The following PRKCH variants were observed in gnomAD, a reference collection of about 807,000 sequenced individuals.
The protein encoded by PRKCH is protein kinase C eta.
PRKCH carries 28 observed loss-of-function variants against 82.5 expected under a neutral mutation model. The observed-to-expected ratio is 0.34, with a 90% CI of 0.25 to 0.47. The LOEUF (loss-of-function observed/expected upper bound fraction) is 0.47, where lower values mean the gene tolerates loss of function less well. PRKCH is among the 20% of genes least tolerant of loss of function. The probability of loss-of-function intolerance (pLI) is 1.00; values close to 1 mark genes in which losing one functional copy is unlikely to be tolerated. For missense variants in PRKCH, 705 were observed against 881.8 expected (o/e 0.80, Z 2.54); for synonymous variants, 322 against 327.4 (o/e 0.98, Z 0.18).
At chr14:61,252,335 TTC>T (rs1297589853) in intron 1 of PRKCH, among the ~76,000 whole-genome samples, 1 of 152,190 alleles carries the variant, frequency 6.6e-6, no homozygotes, top group Non-Finnish European at 1.5e-5. Context: ...GACCGTGACT[TTC>T]TCCAGCACAC....
At chr14:61,494,909 T>C (rs149941990) in intron 10 of PRKCH, among the ~76,000 whole-genome samples, 61 of 152,358 alleles carry the variant, frequency 4.0e-4, no homozygotes, top group African/African-American at 1.3e-3. Context: ...GTGATTGATA[T>C]ACTTACCATG....
rs777131452 is a variant in PRKCH, at chr14:61,322,203, C to T, written c.102C>T (p.Phe34=). Reference sequence around the variant, plus strand: ...GCTGGTCCCTGCGCCACTCGCTCTTCAAGAAGGGCCACCAGCTGCTGGACC... The same window carrying T: ...GCTGGTCCCTGCGCCACTCGCTCTTTAAGAAGGGCCACCAGCTGCTGGACC... ...PTRWSLRHSL[F]KKGHQLLDPY... Residue 34 remains phenylalanine, a synonymous_variant, in exon 1 of 14, where the codon TTC becomes TTT. Transcript: ENST00000332981. 1 of 1,613,072 alleles carries T rather than the reference C, an allele frequency of 6.2e-7. No homozygotes were observed. Among genetic ancestry groups the T allele is most frequent in the East Asian group, 2.2e-5 (1 of 44,726 alleles).
At chr14:61,509,614 G>A (rs1056819397) in intron 10 of PRKCH, among the ~76,000 whole-genome samples, 6 of 152,176 alleles carry the variant, frequency 3.9e-5, no homozygotes, top group African/African-American at 1.4e-4. Flanking sequence ...GCTGGGTGTG[G>A]TGGCTCACGC....
chr14:61,504,698 C>T (rs540330012), intron 10 of PRKCH, among the ~76,000 whole-genome samples: 1 of 152,242 alleles, frequency 6.6e-6, no homozygotes, highest in East Asian at 1.9e-4. Flanking sequence ...AATTTAGTAA[C>T]TAAAGCATTA....
chr14:61,226,645 A>G (rs1330085554), intron 1 of PRKCH, among the ~76,000 whole-genome samples: 1 of 152,252 alleles, frequency 6.6e-6, no homozygotes, highest in East Asian at 1.9e-4. Flanking sequence ...TGGTTTCCAC[A>G]AAGCATTGTA....
chr14:61,516,858 G>A (rs1337593046), intron 10 of PRKCH, among the ~76,000 whole-genome samples: 1 of 152,110 alleles, frequency 6.6e-6, no homozygotes, highest in Admixed American at 6.5e-5. Flanking sequence ...GAGAAACAAA[G>A]CCTTTTATGC....
chr14:61,409,337 TC>T (rs1211981666), intron 2 of PRKCH, among the ~76,000 whole-genome samples: 6 of 152,108 alleles, frequency 3.9e-5, no homozygotes, highest in African/African-American at 1.4e-4. Flanking sequence ...TTGAAACTCA[TC>T]CCCTACTCTG....
At chr14:61,531,874 GAA>G (rs1441747686) in intron 12 of PRKCH, among the ~76,000 whole-genome samples, 1 of 151,410 alleles carries the variant, frequency 6.6e-6, no homozygotes, top group African/African-American at 2.4e-5. Flanking sequence ...TAATTTTATG[GAA>G]AAAAAAAGTC....
Position 61,210,111 on chromosome 14 carries a change from AATATATATATATATATATATATAT to A in PRKCH, c.-19+22471_-19+22494del, listed in dbSNP as rs60055073. Among the ~76,000 whole-genome samples, 787 of 87,408 alleles carry A rather than the reference AATATATATATATATATATATATAT, an allele frequency of 9.0e-3. 9 individuals are homozygous for A. The highest frequency in any genetic ancestry group is 0.049 in the Middle Eastern group (7 of 142). The allele number at this position is 87,408 out of a possible 152,430, so 57.3% of individuals were successfully genotyped here. ...AAAAAACAAAACAAACAAACAAACA[AATATATATATATATATATATATAT>A]ATATATATATATATATATATATATA... On this transcript the variant is annotated intron_variant, in intron 1 of 3. Transcript: ENST00000555185.
At chr14:61,383,225 T>G (rs1374079652) in intron 1 of PRKCH, among the ~76,000 whole-genome samples, 1 of 152,218 alleles carries the variant, frequency 6.6e-6, no homozygotes, top group African/African-American at 2.4e-5. Flanking sequence ...AAGTGCTATC[T>G]TGTAGGACTA....
rs1210805165 is a variant in PRKCH at position 61,443,257 on chromosome 14, A to T, written c.574A>T (p.Ile192Phe). Residue 192 changes from isoleucine (I) to phenylalanine (F), a missense_variant, in exon 3 of 14, where the codon ATC (isoleucine) becomes TTC (phenylalanine). This residue lies in a region of PRKCH where 246 missense variants were observed against 308.0 expected (regional missense o/e 0.80). Coordinates refer to ENST00000332981, the MANE Select transcript of PRKCH (RefSeq NM_006255.5). The part of the protein sequence containing the change: ...PTYCSHCREF[I>F]WGVFGKQGYQ... ...CTACTGCTCTCACTGCAGGGAGTTT[A>T]TCTGGTAAGGGGTTCCCTTACTTCT... The T allele has an allele frequency of 6.2e-7, 1 of 1,613,736 alleles. No homozygotes were observed. The highest frequency in any genetic ancestry group is 8.5e-7 in the Non-Finnish European group (1 of 1,179,774).
intron 1 of PRKCH, among the ~76,000 whole-genome samples, chr14:61,290,152 C>T (rs1594893866): frequency 1.3e-5 from 2 of 151,886 alleles, no homozygotes; most frequent in South Asian, 2.1e-4. Flanking sequence ...ATTAGTCGGG[C>T]GTGGTTGCGG....
chr14:61,446,067 A>G (rs921367880), intron 4 of PRKCH, among the ~76,000 whole-genome samples: 1 of 151,996 alleles, frequency 6.6e-6, no homozygotes, highest in South Asian at 2.1e-4. Context: ...TTACAATCCT[A>G]TTGATAATAG....
At chr14:61,240,529 A>C (rs1036943364) in intron 1 of PRKCH, among the ~76,000 whole-genome samples, 1 of 152,100 alleles carries the variant, frequency 6.6e-6, no homozygotes, top group South Asian at 2.1e-4. Flanking sequence ...AGTTGGGTGG[A>C]CCTGGTTTCT....
intron 1 of PRKCH, among the ~76,000 whole-genome samples, chr14:61,225,910 T>C (rs2044693307): frequency 6.6e-6 from 1 of 152,180 alleles, no homozygotes; most frequent in African/African-American, 2.4e-5. Flanking sequence ...CGGCTAATTT[T>C]TTAATGTTTT....
intron 1 of PRKCH, among the ~76,000 whole-genome samples, chr14:61,199,954 T>C (rs1452476618): frequency 6.6e-6 from 1 of 152,238 alleles, no homozygotes; most frequent in Non-Finnish European, 1.5e-5. Context: ...AAGCTAGCTT[T>C]CCTTATCAAG....
At chr14:61,317,347 C>G (rs1382191911), upstream of PRKCH, among the ~76,000 whole-genome samples, 1 of 152,210 alleles carries the variant, frequency 6.6e-6, no homozygotes, top group Non-Finnish European at 1.5e-5. Context: ...TCAACCTACC[C>G]TAACAGGCTT....
intron 1 of PRKCH, among the ~76,000 whole-genome samples, chr14:61,247,755 A>AAAAAAAAAAAAAAAAAAAG (rs1555371277): frequency 6.7e-6 from 1 of 149,340 alleles, no homozygotes; most frequent in Non-Finnish European, 1.5e-5. Flanking sequence ...AAAAAAAAAA[A>AAAAAAAAAAAAAAAAAAAG]AAAGAAAGAA....
At chr14:61,237,280 C>T (rs2044798254) in intron 1 of PRKCH, among the ~76,000 whole-genome samples, 1 of 151,076 alleles carries the variant, frequency 6.6e-6, no homozygotes, top group African/African-American at 2.4e-5. Flanking sequence ...TCCAGCCTAA[C>T]TCTAGTATAG....
Sources: allele counts gnomAD v4.1 joint callset (sites outside exome capture counted in the v4.1 genomes callset), GRCh38; gene constraint gnomAD v4.1.1; regional missense constraint gnomAD v4.1.1; transcripts MANE v1.5; gene names NCBI Gene and HGNC (gene_info 2026-07-23, HGNC 2026-07-21).